Variants in ZNF618 observed in about 807,000 individuals in gnomAD.
ZNF618 encodes the protein neural precursor cell expressed, developmentally down-regulated 10.
Under a neutral mutation model 103.0 loss-of-function variants are expected in ZNF618, and 34 were observed. The ratio of observed to expected loss-of-function variants is 0.33; its 90% CI spans 0.25 to 0.44. The LOEUF (loss-of-function observed/expected upper bound fraction) is 0.44. Among genes scored for constraint, ZNF618 ranks in the 20% least tolerant of loss-of-function variants. The pLI is 1.00. For missense variants in ZNF618, 1,059 were observed against 1,295.4 expected, an observed-to-expected ratio of 0.82 and a Z score of 2.80; for synonymous variants, 551 against 542.2, an observed-to-expected ratio of 1.02 and a Z score of -0.23.
chr9:113,978,473 G>A (rs2133068795), intron 2 of ZNF618, among the ~76,000 whole-genome samples: 1 of 152,378 alleles, frequency 6.6e-6, no homozygotes, highest in Admixed American at 6.5e-5. Flanking sequence ...CTCTGTGGAA[G>A]AGGTGGGACC....
rs1460532008 is a variant in ZNF618 at position 114,049,399 on chromosome 9, C to T, written c.2097C>T (p.Asp699=). 6 of 1,603,682 alleles carry T rather than the reference C, an allele frequency of 3.7e-6. No homozygotes were observed. Among genetic ancestry groups the T allele is most frequent in the Non-Finnish European group, 5.1e-6 (6 of 1,175,314 alleles). ...CACCCTGCTGGAACTCGGTGACGGA[C>T]TCACTGTTGCTGGTGCATGAGCGCT... ...SPPPCWNSVT[D]SLLLVHERYE... is the part of the protein sequence containing the mutation. The change falls in exon 15 of 15, where the codon GAC becomes GAT. Residue 699 remains aspartate, a synonymous_variant. Coordinates refer to ENST00000374126, the MANE Select transcript of ZNF618 (RefSeq NM_001318042.2).
chr9:114,031,062 T>A (rs1210112895), intron 11 of ZNF618, among the ~76,000 whole-genome samples: 1 of 152,114 alleles, frequency 6.6e-6, no homozygotes, highest in African/African-American at 2.4e-5. Flanking sequence ...TAGGAGTACA[T>A]CCAACCCCAG....
At chr9:113,971,473 C>T (rs566323709) in intron 2 of ZNF618, among the ~76,000 whole-genome samples, 2 of 152,306 alleles carry the variant, frequency 1.3e-5, no homozygotes, top group African/African-American at 4.8e-5. Context: ...ATGCTGTGAA[C>T]TCAGGCTGGT....
intron 9 of ZNF618, chr9:114,016,272 AC>A: frequency 9.3e-7 from 1 of 1,080,348 alleles, no homozygotes; most frequent in Non-Finnish European, 1.4e-6. Context: ...AGATGAGGGG[AC>A]CCCGGGTGTG....
In ZNF618 at chr9:113,946,015, T is replaced by A; in HGVS notation, c.34-23102T>A. 1.3e-5 allele frequency among the ~76,000 whole-genome samples: 2 copies of A among 152,174 alleles called. 1 individual carries two copies. ...TGAAATGCTGGAGGCAAATTTGAGC[T>A]TTGAGGCTCCATCGGGGACAAAGAG... On this transcript the variant is annotated intron_variant, in intron 1 of 14. Transcript: ENST00000374126.
intron 11 of ZNF618, among the ~76,000 whole-genome samples, chr9:114,030,648 G>C (rs144724225): frequency 4.2e-4 from 64 of 152,326 alleles, no homozygotes; most frequent in Non-Finnish European, 8.1e-4. Flanking sequence ...AGGGCATCCG[G>C]TTGGGAGCAG....
intron 1 of ZNF618, among the ~76,000 whole-genome samples, chr9:113,915,863 A>C (rs1311387688): frequency 1.3e-5 from 2 of 152,254 alleles, no homozygotes; most frequent in East Asian, 1.9e-4. Context: ...CCATGAGGGC[A>C]CAGCCTGTGT....
chr9:113,976,806 G>C (rs1187344520), intron 2 of ZNF618, among the ~76,000 whole-genome samples: 1 of 152,116 alleles, frequency 6.6e-6, no homozygotes, highest in Non-Finnish European at 1.5e-5. Context: ...CATTTTGTCT[G>C]GTGTATTTAG....
Position 114,047,877 on chromosome 9 carries a change from C to G in ZNF618, c.1247-16C>G. On this transcript the variant is annotated splice_polypyrimidine_tract_variant and intron_variant, in intron 13 of 14. Transcript: ENST00000374126. ...TTACCCTTCCAGGTAACACACTGTC[C>G]CCTTTGTGCCCACAGCTGACAATGA... 6.3e-7 allele frequency: 1 copy of G among 1,583,204 alleles called. No homozygotes were observed. Among genetic ancestry groups the G allele is most frequent in the Non-Finnish European group, 8.6e-7 (1 of 1,163,788 alleles).
intron 9 of ZNF618, among the ~76,000 whole-genome samples, chr9:114,013,304 G>C (rs963161591): frequency 2.6e-5 from 4 of 152,220 alleles, no homozygotes; most frequent in African/African-American, 9.6e-5. Context: ...GAAATTCATA[G>C]TATAAGAGGA....
At chr9:114,002,501 AGGGGCCC>A in intron 5 of ZNF618, 116 bp from the exon 6 acceptor site, 1 of 1,064,230 alleles carries the variant, frequency 9.4e-7, no homozygotes. Context: ...GGCTGGCATC[AGGGGCCC>A]GGTGCGGGAC....
rs1845986682 is a variant in ZNF618 at position 114,049,809 on chromosome 9, TGAA to T, written c.2509_2511del (p.Lys837del). On this transcript the variant is annotated inframe_deletion, in exon 15 of 15. Transcript: ENST00000374126. ...AAGGTCTGTGAGCTCATCAACGAGG[TGAA>T]GGAGTCCTGGGCCGAGGAGGCCGAC... is the stretch of plus-strand genomic sequence containing the variant. 1 of 1,613,806 alleles carries T rather than the reference TGAA, an allele frequency of 6.2e-7. No individual in the cohort carries two copies. Among genetic ancestry groups the T allele is most frequent in the Admixed American group, 1.7e-5 (1 of 60,012 alleles).
intron 1 of ZNF618, among the ~76,000 whole-genome samples, chr9:113,944,165 G>A (rs892949433): frequency 6.6e-6 from 1 of 152,202 alleles, no homozygotes; most frequent in African/African-American, 2.4e-5. Context: ...GAGAGGGCCA[G>A]ATAAATACAC....
Position 113,922,431 on chromosome 9 carries a change from T to C in ZNF618, c.33+46018T>C, listed in dbSNP as rs565950710. ...GTTGTGGTTGGTGTCCTAAGTTATGTACACTGGCAGACAGGGGCAGGCCGG... is the reference window on the plus strand; with the variant it reads ...GTTGTGGTTGGTGTCCTAAGTTATGCACACTGGCAGACAGGGGCAGGCCGG... On this transcript the variant is annotated intron_variant, in intron 1 of 14. Transcript: ENST00000374126. 6.6e-5 allele frequency among the ~76,000 whole-genome samples: 10 copies of C among 151,200 alleles called. No individual in the cohort carries two copies. In the South Asian group the frequency reaches 2.1e-3, roughly 32 times the overall value.
intron 1 of ZNF618, among the ~76,000 whole-genome samples, chr9:113,952,245 G>T (rs1835847917): frequency 6.6e-6 from 1 of 152,188 alleles, no homozygotes; most frequent in Non-Finnish European, 1.5e-5. Flanking sequence ...GATAATTAAG[G>T]CTGGTTTGAA....
At chr9:113,890,456 C>T (rs780885788) in intron 1 of ZNF618, among the ~76,000 whole-genome samples, 15 of 152,166 alleles carry the variant, frequency 9.9e-5, no homozygotes. Context: ...GATAGGTCTT[C>T]ATTATTATTT....
intron 10 of ZNF618, among the ~76,000 whole-genome samples, chr9:114,018,522 T>C (rs988147241): frequency 5.3e-5 from 8 of 152,248 alleles, no homozygotes; most frequent in Admixed American, 1.3e-4. Context: ...CTGGGACAAG[T>C]TGAGTAAGGC....
At chr9:113,888,415 C>T (rs1829279812) in intron 1 of ZNF618, among the ~76,000 whole-genome samples, 1 of 152,266 alleles carries the variant, frequency 6.6e-6, no homozygotes, top group South Asian at 2.1e-4. Flanking sequence ...GTTTTGTGTT[C>T]CATGCTCACA....
At chr9:113,977,571 A>C (rs1535764) in intron 2 of ZNF618, among the ~76,000 whole-genome samples, 87,672 of 151,934 alleles carry the variant, frequency 0.58, 25,542 homozygotes, top group Middle Eastern at 0.77. Flanking sequence ...CCTCTACTCC[A>C]TACCTGTCTG....
Sources: allele counts gnomAD v4.1 joint callset (sites outside exome capture counted in the v4.1 genomes callset), GRCh38; gene constraint gnomAD v4.1.1; transcripts MANE v1.5; gene names NCBI Gene and HGNC (gene_info 2026-07-23, HGNC 2026-07-21).